NRG3: variants seen among roughly 807,000 people sequenced by gnomAD.
NRG3 encodes the protein pro-neuregulin-3, membrane-bound isoform.
NRG3 carries 31 observed loss-of-function variants against 66.9 expected under a neutral mutation model. That is an observed-to-expected ratio of 0.46 (90% CI 0.35 to 0.63). NRG3 has a LOEUF of 0.63. NRG3 is among the 20% of genes least tolerant of loss of function. The probability of loss-of-function intolerance (pLI) is 0.00; values close to 1 mark genes in which losing one functional copy is unlikely to be tolerated. For synonymous variants in NRG3, 393 were observed against 359.4 expected (o/e 1.09, Z -1.06); for missense variants, 910 against 878.9 (o/e 1.04, Z -0.45).
At chr10:82,355,998 G>T (rs1287206709) in intron 1 of NRG3, among the ~76,000 whole-genome samples, 2 of 152,258 alleles carry the variant, frequency 1.3e-5, no homozygotes, top group Middle Eastern at 3.4e-3. Context: ...TTAATTTGGA[G>T]ATTCTTTAAG....
At chr10:82,163,596 A>G (rs972215425) in intron 1 of NRG3, among the ~76,000 whole-genome samples, 1 of 152,194 alleles carries the variant, frequency 6.6e-6, no homozygotes, top group African/African-American at 2.4e-5. Flanking sequence ...TGGTATGTCA[A>G]TGTAGGATAG....
At chr10:82,099,883 T>C (rs1238685174) in intron 1 of NRG3, among the ~76,000 whole-genome samples, 1 of 151,360 alleles carries the variant, frequency 6.6e-6, no homozygotes, top group Non-Finnish European at 1.5e-5. Flanking sequence ...GCTTGGAAGT[T>C]TGATGGGGGA....
intron 2 of NRG3, among the ~76,000 whole-genome samples, chr10:82,388,771 G>C (rs1369185775): frequency 6.6e-6 from 1 of 152,126 alleles, no homozygotes; most frequent in East Asian, 1.9e-4. Flanking sequence ...CCCCAAGATG[G>C]CATCATCTTT....
chr10:82,737,028 A>AT (rs60249177), intron 2 of NRG3, among the ~76,000 whole-genome samples: 126,571 of 152,142 alleles, frequency 0.83, 52,793 homozygotes, highest in Admixed American at 0.88. Flanking sequence ...ACAAGAATTT[A>AT]TTTTTTTATG....
At chr10:82,161,890 G>A (rs2071631138) in intron 1 of NRG3, among the ~76,000 whole-genome samples, 2 of 152,146 alleles carry the variant, frequency 1.3e-5, no homozygotes, top group South Asian at 4.1e-4. Flanking sequence ...TCACTCCATT[G>A]CTTCTTAGAT....
chr10:82,081,949 G>A (rs1007985854), intron 1 of NRG3, among the ~76,000 whole-genome samples: 4 of 152,152 alleles, frequency 2.6e-5, no homozygotes, highest in South Asian at 2.1e-4. Flanking sequence ...GAGTCCAGGC[G>A]TTTTGAGTCT....
At chr10:82,667,283 G>C (rs1025412620) in intron 2 of NRG3, among the ~76,000 whole-genome samples, 13 of 152,162 alleles carry the variant, frequency 8.5e-5, no homozygotes, top group African/African-American at 2.9e-4. Context: ...GCACCACCCT[G>C]AGGCAGTACC....
At chr10:82,737,634 A>G (rs1328431317) in intron 2 of NRG3, among the ~76,000 whole-genome samples, 1 of 152,176 alleles carries the variant, frequency 6.6e-6, no homozygotes, top group Non-Finnish European at 1.5e-5. Context: ...CTCGAGCATG[A>G]CAGATTAAGC....
chr10:82,879,467 C>CTTTTTTT (rs201614818), intron 4 of NRG3, among the ~76,000 whole-genome samples: 15 of 121,852 alleles, frequency 1.2e-4, no homozygotes, highest in African/African-American at 1.9e-4. Context: ...CTAATGAAGA[C>CTTTTTTT]TTTTTTTTTT....
chr10:82,021,533 A>G (rs2062059051), intron 1 of NRG3, among the ~76,000 whole-genome samples: 1 of 152,120 alleles, frequency 6.6e-6, no homozygotes, highest in Admixed American at 6.6e-5. Flanking sequence ...TTGGGTTACC[A>G]GAACAGCAAT....
chr10:82,631,111 A>G (rs1273319889), intron 2 of NRG3, among the ~76,000 whole-genome samples: 1 of 152,162 alleles, frequency 6.6e-6, no homozygotes, highest in Non-Finnish European at 1.5e-5. Flanking sequence ...AGGTCTGGGA[A>G]TTAGTCATTA....
intron 2 of NRG3, among the ~76,000 whole-genome samples, chr10:82,634,148 A>G (rs1358337175): frequency 1.3e-5 from 2 of 152,182 alleles, no homozygotes; most frequent in African/African-American, 2.4e-5. Flanking sequence ...AATCCTCTAA[A>G]TTGTAGAAGC....
chr10:82,579,592 G>A (rs2046234724), intron 2 of NRG3, among the ~76,000 whole-genome samples: 1 of 151,978 alleles, frequency 6.6e-6, no homozygotes, highest in South Asian at 2.1e-4. Flanking sequence ...ATGCCTGTGA[G>A]TGTGTGTGTC....
chr10:82,358,976 C>T (rs2083953749), intron 2 of NRG3, 108 bp downstream of exon 2: 1 of 1,469,242 alleles, frequency 6.8e-7, no homozygotes, highest in Middle Eastern at 2.4e-4. Flanking sequence ...CACACAGTCC[C>T]ACCGTTTGAA....
intron 2 of NRG3, among the ~76,000 whole-genome samples, chr10:82,425,347 A>G (rs2089356190): frequency 6.6e-6 from 1 of 151,606 alleles, no homozygotes; most frequent in East Asian, 1.9e-4. Flanking sequence ...GAAGACTTGT[A>G]TTGTTTTTCT....
chr10:82,698,000 T>C (rs942111573), intron 2 of NRG3, among the ~76,000 whole-genome samples: 5 of 152,136 alleles, frequency 3.3e-5, no homozygotes, highest in African/African-American at 7.2e-5. Context: ...CCATCTGACA[T>C]TGTAAACAGC....
intron 1 of NRG3, among the ~76,000 whole-genome samples, chr10:81,995,912 G>A (rs1349154961): frequency 6.6e-6 from 1 of 152,152 alleles, no homozygotes; most frequent in Non-Finnish European, 1.5e-5. Flanking sequence ...CCATGCAACT[G>A]TGGTCAGAGG....
chr10:82,636,433 C>T (rs967685421), intron 2 of NRG3, among the ~76,000 whole-genome samples: 4 of 152,070 alleles, frequency 2.6e-5, no homozygotes, highest in Non-Finnish European at 5.9e-5. Context: ...CAAGCCAAGC[C>T]TGGAATGTCT....
intron 1 of NRG3, among the ~76,000 whole-genome samples, chr10:81,924,003 A>G (rs1846521872): frequency 2.6e-5 from 4 of 152,186 alleles, no homozygotes; most frequent in Admixed American, 2.0e-4. Context: ...AAATGTTTGT[A>G]GGATGAATGC....
Sources: gnomAD v4.1 joint callset for allele counts (sites outside exome capture counted in the v4.1 genomes callset) on GRCh38, gnomAD v4.1.1 for gene constraint, MANE v1.5 for transcripts, NCBI Gene and HGNC (gene_info 2026-07-23, HGNC 2026-07-21) for gene names.